Variants in CDKL1 observed in about 807,000 individuals in gnomAD.
CDKL1 encodes the protein cyclin dependent kinase like 1.
In CDKL1, 41 loss-of-function variants were observed where a neutral mutation model predicts 42.0. That is an observed-to-expected ratio of 0.98 (90% CI 0.76 to 1.27). CDKL1 has a LOEUF of 1.27. Among genes scored for constraint, CDKL1 ranks in the 50% most tolerant of loss-of-function variants. The pLI is 0.00. For missense variants in CDKL1, 394 were observed against 428.4 expected (o/e 0.92, Z 0.71); for synonymous variants, 153 against 158.6 (o/e 0.96, Z 0.26).
At chr14:50,352,212 C>T (rs888165260) in intron 3 of CDKL1, among the ~76,000 whole-genome samples, 2 of 152,046 alleles carry the variant, frequency 1.3e-5, no homozygotes, top group African/African-American at 2.4e-5. Context: ...GGGAAATGTT[C>T]CTTCTCATAT....
chr14:50,361,084 G>T (rs1410598797), intron 2 of CDKL1, among the ~76,000 whole-genome samples: 9 of 151,982 alleles, frequency 5.9e-5, no homozygotes, highest in Non-Finnish European at 1.2e-4. Context: ...GTTTTGTTTT[G>T]TTTCACCTAC....
At chr14:50,359,730 G>A (rs2034179419) in intron 2 of CDKL1, among the ~76,000 whole-genome samples, 1 of 144,798 alleles carries the variant, frequency 6.9e-6, no homozygotes. Flanking sequence ...ACCAGGCCGT[G>A]TACATAACAG....
upstream of CDKL1, chr14:50,397,199 G>A (rs1420429406): frequency 7.3e-7 from 1 of 1,366,584 alleles, no homozygotes; most frequent in Admixed American, 1.9e-5. Flanking sequence ...ACATTTCCCT[G>A]CAACAGCAGT....
In CDKL1 at chr14:50,330,134, C is replaced by T; in HGVS notation, c.1014G>A (p.Leu338=). 1 of 1,607,464 alleles carries T rather than the reference C, an allele frequency of 6.2e-7. No individual in the cohort carries two copies. The highest frequency in any genetic ancestry group is 8.5e-7 in the Non-Finnish European group (1 of 1,178,528). Reference sequence around the variant, plus strand: ...TATCACAGTAGTACTTCTTATTATCCAAAGCTGGAAGGATGCTGCTGCCAG... The same window carrying T: ...TATCACAGTAGTACTTCTTATTATCTAAAGCTGGAAGGATGCTGCTGCCAG... ...QLTGSSILPA[L]DNKKYYCDTK... is the part of the protein sequence containing the mutation. The change falls in exon 10 of 10, where the codon TTG becomes TTA. Residue 338 remains leucine, a synonymous_variant. Coordinates refer to ENST00000395834, the MANE Select transcript of CDKL1 (RefSeq NM_004196.7).
intron 3 of CDKL1, chr14:50,357,007 C>T (rs2034075853): frequency 6.6e-6 from 1 of 152,190 alleles, no homozygotes. Flanking sequence ...TGTTCCCAAG[C>T]CACTCAACAT....
intron 3 of CDKL1, among the ~76,000 whole-genome samples, chr14:50,351,227 G>A (rs765726854): frequency 6.6e-6 from 1 of 152,008 alleles, no homozygotes; most frequent in Non-Finnish European, 1.5e-5. Flanking sequence ...AGGAAGTAAT[G>A]AATCTGACCA....
chr14:50,384,750 T>A (rs1224625154), intron 2 of CDKL1, among the ~76,000 whole-genome samples: 3 of 151,738 alleles, frequency 2.0e-5, no homozygotes, highest in African/African-American at 7.3e-5. Flanking sequence ...AAATAACTAT[T>A]TTACAATAAC....
At chr14:50,361,705 A>G (rs2034252764) in intron 2 of CDKL1, among the ~76,000 whole-genome samples, 2 of 152,208 alleles carry the variant, frequency 1.3e-5, no homozygotes, top group African/African-American at 4.8e-5. Context: ...CTGGGGGTGA[A>G]GTTTCAACAT....
intron 2 of CDKL1, among the ~76,000 whole-genome samples, chr14:50,368,240 G>A (rs1303300551): frequency 6.6e-6 from 1 of 152,128 alleles, no homozygotes; most frequent in African/African-American, 2.4e-5. Flanking sequence ...GATTACAGGC[G>A]TGAGACACTG....
At chr14:50,335,364 T>A (rs1054699256) in intron 7 of CDKL1, 1 of 768,004 alleles carries the variant, frequency 1.3e-6, no homozygotes, top group Non-Finnish European at 2.0e-6. Flanking sequence ...GCAAAATAGA[T>A]GTTTTTCCCC....
intron 2 of CDKL1, among the ~76,000 whole-genome samples, chr14:50,383,562 A>AC (rs71118876): frequency 5.7e-5 from 2 of 34,790 alleles, no homozygotes. Flanking sequence ...AAAAAAAAAA[A>AC]AAACAAACAA....
intron 2 of CDKL1, among the ~76,000 whole-genome samples, chr14:50,392,073 G>A (rs1205783893): frequency 6.6e-6 from 1 of 152,194 alleles, no homozygotes; most frequent in Non-Finnish European, 1.5e-5. Context: ...CATGATCAAA[G>A]CCAATGGCTA....
intron 3 of CDKL1, among the ~76,000 whole-genome samples, chr14:50,356,777 G>A (rs2034070275): frequency 6.6e-6 from 1 of 152,152 alleles, no homozygotes; most frequent in South Asian, 2.1e-4. Context: ...ATTTGGAAAT[G>A]AGGTTGCTTG....
At chr14:50,368,130 T>A (rs2034482851) in intron 2 of CDKL1, among the ~76,000 whole-genome samples, 1 of 152,184 alleles carries the variant, frequency 6.6e-6, no homozygotes, top group South Asian at 2.1e-4. Flanking sequence ...AGCTAATTTT[T>A]AAAATTTTGT....
chr14:50,355,077 A>G (rs993406311), intron 3 of CDKL1, among the ~76,000 whole-genome samples: 10 of 151,954 alleles, frequency 6.6e-5, no homozygotes, highest in African/African-American at 2.2e-4. Flanking sequence ...TCATTTGACA[A>G]CTATTCATGA....
intron 2 of CDKL1, chr14:50,362,247 G>A: frequency 2.7e-6 from 1 of 365,696 alleles, no homozygotes; most frequent in Non-Finnish European, 5.5e-6. Flanking sequence ...GCAGCACCCG[G>A]TCCCATCGAC....
chr14:50,394,145 T>C (rs2035335297), intron 2 of CDKL1, among the ~76,000 whole-genome samples: 1 of 152,232 alleles, frequency 6.6e-6, no homozygotes, highest in South Asian at 2.1e-4. Flanking sequence ...AGTATCTTTC[T>C]GCAAGAAACA....
Position 50,396,001 on chromosome 14 carries a change from A to G in CDKL1, c.-133T>C, listed in dbSNP as rs1595389348. ...GGAGTTCGAGACCAGTCTGGCCAACATACTGAAACTCCGTCTCTACTAAAG... is the reference window on the plus strand; with the variant it reads ...GGAGTTCGAGACCAGTCTGGCCAACGTACTGAAACTCCGTCTCTACTAAAG... On this transcript the variant is annotated 5_prime_UTR_variant, in exon 2 of 10. The change abolishes an upstream ATG in the 5' untranslated region. Transcript: ENST00000395834. The G allele has an allele frequency of 9.8e-7, 1 of 1,019,712 alleles. No individual in the cohort carries two copies. 63.2% of individuals were successfully genotyped at this position (1,019,712 alleles called of 1,614,324 possible). A position where few individuals can be genotyped will look rare whatever the true frequency, so the allele number is the denominator to read the frequency against.
intron 2 of CDKL1, among the ~76,000 whole-genome samples, chr14:50,384,585 T>C (rs539943274): frequency 5.3e-5 from 8 of 151,152 alleles, no homozygotes; most frequent in Admixed American, 4.6e-4. Flanking sequence ...GAAAGAATAC[T>C]GACAGTGATG....
Sources: allele counts gnomAD v4.1 joint callset (sites outside exome capture counted in the v4.1 genomes callset), GRCh38; gene constraint gnomAD v4.1.1; transcripts MANE v1.5; gene names NCBI Gene and HGNC (gene_info 2026-07-23, HGNC 2026-07-21).